The following FYN variants were observed in gnomAD, a reference collection of about 807,000 sequenced individuals.
FYN encodes the protein tyrosine-protein kinase Fyn.
A neutral mutation model predicts 70.2 loss-of-function variants in FYN; 10 were observed. The observed-to-expected ratio is 0.14, with a 90% CI of 0.09 to 0.24. FYN has a LOEUF of 0.24. Ranked by LOEUF, FYN falls within the 10% of genes least tolerant of loss-of-function variation. The pLI is 1.00. For missense variants in FYN, 319 were observed against 673.1 expected (o/e 0.47, Z 5.82); for synonymous variants, 236 against 248.6 (o/e 0.95, Z 0.48).
At chr6:111,804,464 G>A (rs929547704) in intron 2 of FYN, among the ~76,000 whole-genome samples, 2 of 152,058 alleles carry the variant, frequency 1.3e-5, no homozygotes, top group African/African-American at 2.4e-5. Context: ...ATGCTACATC[G>A]CAAAACCAAT....
At chr6:111,738,658 A>G (rs1801811528) in intron 3 of FYN, among the ~76,000 whole-genome samples, 1 of 152,148 alleles carries the variant, frequency 6.6e-6, no homozygotes, top group Non-Finnish European at 1.5e-5. Flanking sequence ...TCACCTAGTG[A>G]TGGGCTTGGG....
At chr6:111,712,200 G>C (rs1190411887) in intron 5 of FYN, among the ~76,000 whole-genome samples, 2 of 152,248 alleles carry the variant, frequency 1.3e-5, no homozygotes, top group African/African-American at 4.8e-5. Context: ...CGCACGTGCA[G>C]TGTGGACAAA....
Position 111,697,492 on chromosome 6 carries a change from A to G in FYN, c.863-1036T>C, listed in dbSNP as rs570910473. Among the ~76,000 whole-genome samples the G allele has an allele frequency of 1.5e-4, 23 of 152,342 alleles. No individual in the cohort carries two copies. In the East Asian group the frequency reaches 4.2e-3, roughly 28 times the overall value. On this transcript the variant is annotated intron_variant, in intron 9 of 13. Transcript: ENST00000354650. ...AAGGATTCTGTAAATTGGAGTTCTT[A>G]TTATCCTGTTAAAGACATGGTTCAT...
intron 3 of FYN, among the ~76,000 whole-genome samples, 177 bp downstream of exon 3, chr6:111,780,389 C>G (rs1468727211): frequency 3.3e-5 from 5 of 152,204 alleles, no homozygotes; most frequent in African/African-American, 1.2e-4. Flanking sequence ...TCAGCAATAA[C>G]AAGAAAAAGT....
At chr6:111,744,554 G>A (rs1229875598) in intron 3 of FYN, among the ~76,000 whole-genome samples, 2 of 152,086 alleles carry the variant, frequency 1.3e-5, no homozygotes, top group Non-Finnish European at 2.9e-5. Flanking sequence ...TCTTTCCTGG[G>A]AACTTGTTCT....
chr6:111,857,588 G>A (rs1773855456), intron 1 of FYN, among the ~76,000 whole-genome samples: 1 of 152,138 alleles, frequency 6.6e-6, no homozygotes, highest in South Asian at 2.1e-4. Flanking sequence ...ATGCAGAGTG[G>A]CAGGTTTGAA....
At chr6:111,762,250 T>C (rs1251058971) in intron 3 of FYN, among the ~76,000 whole-genome samples, 1 of 152,180 alleles carries the variant, frequency 6.6e-6, no homozygotes, top group Non-Finnish European at 1.5e-5. Flanking sequence ...TGCTTCTGCA[T>C]CTGGTTTTCT....
At chr6:111,843,899 G>A (rs1583488423) in intron 2 of FYN, among the ~76,000 whole-genome samples, 3 of 152,272 alleles carry the variant, frequency 2.0e-5, no homozygotes, top group African/African-American at 7.2e-5. Flanking sequence ...TTAGGGGAGT[G>A]TCAAGGAAGA....
At chr6:111,809,853 A>G (rs1338338915) in intron 2 of FYN, among the ~76,000 whole-genome samples, 1 of 152,272 alleles carries the variant, frequency 6.6e-6, no homozygotes, top group African/African-American at 2.4e-5. Context: ...TCCCTTAAAA[A>G]GGTGGCACAT....
At chr6:111,838,939 C>T (rs925971224) in intron 2 of FYN, among the ~76,000 whole-genome samples, 2 of 152,222 alleles carry the variant, frequency 1.3e-5, no homozygotes, top group Admixed American at 6.5e-5. Flanking sequence ...ATCAATTTTA[C>T]GATTCTGACT....
intron 12 of FYN, among the ~76,000 whole-genome samples, chr6:111,683,854 C>T (rs576028039): frequency 6.6e-6 from 1 of 152,220 alleles, no homozygotes; most frequent in South Asian, 2.1e-4. Flanking sequence ...TGACCTGGAA[C>T]TTTGTGGTTA....
intron 9 of FYN, chr6:111,699,718 A>G (rs763646018): frequency 4.1e-5 from 63 of 1,544,650 alleles, no homozygotes; most frequent in Non-Finnish European, 5.2e-5. Flanking sequence ...TATAATCCAT[A>G]ATTATGCATG....
At chr6:111,867,069 T>G (rs1165160047) in intron 1 of FYN, among the ~76,000 whole-genome samples, 2 of 152,228 alleles carry the variant, frequency 1.3e-5, no homozygotes, top group Non-Finnish European at 2.9e-5. Context: ...TTCCTGGGCT[T>G]GCTCTCTGCC....
chr6:111,716,974 C>T lies in FYN; in HGVS notation c.248-2531G>A, dbSNP rs1413597580. 3.3e-5 allele frequency among the ~76,000 whole-genome samples: 5 copies of T among 151,966 alleles called. No homozygotes were observed. The East Asian group carries it at 5.8e-4, about 18-fold the overall frequency. On this transcript the variant is annotated intron_variant, in intron 4 of 13. Transcript: ENST00000354650. ...TAATTTTTTGTATTTTTAGTAGAGACGGGGTTTCACCATGTTGGGCAGGCT... is the reference window on the plus strand; with the variant it reads ...TAATTTTTTGTATTTTTAGTAGAGATGGGGTTTCACCATGTTGGGCAGGCT...
chr6:111,823,442 G>A (rs773263549), intron 2 of FYN, among the ~76,000 whole-genome samples: 3 of 152,176 alleles, frequency 2.0e-5, no homozygotes, highest in East Asian at 1.9e-4. Context: ...AAATATGGGG[G>A]CCACCTCAAG....
intron 6 of FYN, 138 bp downstream of exon 6, chr6:111,707,784 C>G: frequency 1.6e-6 from 1 of 643,684 alleles, no homozygotes; most frequent in Non-Finnish European, 2.8e-6. Flanking sequence ...GGGTAAAAAC[C>G]GGGGCAGAAA....
At chr6:111,764,228 A>AAAAAAAAAAAAAG (rs530424442) in intron 3 of FYN, among the ~76,000 whole-genome samples, 6 of 134,840 alleles carry the variant, frequency 4.4e-5, no homozygotes, top group African/African-American at 1.9e-4. Flanking sequence ...AAAAAAAAAA[A>AAAAAAAAAAAAAG]AAAAGAAAAG....
At chr6:111,760,091 C>G (rs993548539) in intron 3 of FYN, among the ~76,000 whole-genome samples, 2 of 151,924 alleles carry the variant, frequency 1.3e-5, no homozygotes, top group Non-Finnish European at 2.9e-5. Flanking sequence ...GTGTCATCAT[C>G]ATCACGATAT....
intron 3 of FYN, among the ~76,000 whole-genome samples, chr6:111,767,529 T>G (rs1803274769): frequency 6.6e-6 from 1 of 152,096 alleles, no homozygotes; most frequent in Admixed American, 6.5e-5. Context: ...AGCCTCCGAG[T>G]AGCTGGGACT....
Sources: gnomAD v4.1 joint callset for allele counts (sites outside exome capture counted in the v4.1 genomes callset) on GRCh38, gnomAD v4.1.1 for gene constraint, MANE v1.5 for transcripts, NCBI Gene and HGNC (gene_info 2026-07-23, HGNC 2026-07-21) for gene names.